The following SYTL3 variants were observed in gnomAD, a reference collection of about 807,000 sequenced individuals.
SYTL3 encodes synaptotagmin like 3.
SYTL3 carries 88 observed loss-of-function variants against 82.1 expected under a neutral mutation model. The ratio of observed to expected loss-of-function variants is 1.07; its 90% CI spans 0.90 to 1.28. The LOEUF (loss-of-function observed/expected upper bound fraction) is 1.28, where lower values mean the gene tolerates loss of function less well. SYTL3 is among the 50% of genes most tolerant of loss of function. The pLI is 0.00. For missense variants in SYTL3, 831 were observed against 757.6 expected (o/e 1.10, Z -1.14); for synonymous variants, 311 against 289.4 (o/e 1.07, Z -0.76).
rs77813998 is a variant in SYTL3 at position 158,707,751 on chromosome 6, G to A, written c.446+470G>A. On this transcript the variant is annotated intron_variant, in intron 7 of 17. Transcript: ENST00000611299. ...ATTCTAAAAACTGAGCAGTCATGAA[G>A]CTGGCCATAATTCACACACCTGATT... 1.5e-4 allele frequency among the ~76,000 whole-genome samples: 23 copies of A among 152,314 alleles called. No homozygotes were observed. In the East Asian group the frequency reaches 3.7e-3, roughly 24 times the overall value.
chr6:158,762,777 T>A (rs1268216674), intron 16 of SYTL3, among the ~76,000 whole-genome samples: 5 of 151,950 alleles, frequency 3.3e-5, no homozygotes, highest in Non-Finnish European at 7.4e-5. Flanking sequence ...ATTAGCTGGG[T>A]GTGGTGGCGG....
chr6:158,703,702 C>T lies in SYTL3; in HGVS notation c.395-3528C>T, dbSNP rs1781590998. Among the ~76,000 whole-genome samples the T allele has an allele frequency of 3.9e-5, 6 of 152,080 alleles. No individual in the cohort carries two copies. The South Asian group carries it at 1.0e-3, about 26-fold the overall frequency. On this transcript the variant is annotated intron_variant, in intron 6 of 17. Coordinates refer to ENST00000611299, the MANE Select transcript of SYTL3 (RefSeq NM_001242394.2). ...GGCTCTGTGTCTCTAGCAACCCCTGCCCTGCTGAGAGCAACAGCCCACAAC... is the reference window on the plus strand; with the variant it reads ...GGCTCTGTGTCTCTAGCAACCCCTGTCCTGCTGAGAGCAACAGCCCACAAC...
intron 2 of SYTL3, among the ~76,000 whole-genome samples, chr6:158,652,560 T>G (rs771499983): frequency 6.6e-5 from 10 of 151,960 alleles, no homozygotes; most frequent in Non-Finnish European, 1.3e-4. Context: ...TATTTATTTT[T>G]TTGAGACAGA....
chr6:158,752,000 C>T lies in SYTL3; in HGVS notation c.1107C>T (p.Thr369=), dbSNP rs373804464. Residue 369 remains threonine, a synonymous_variant, in exon 13 of 18, where the codon ACC becomes ACT. Transcript: ENST00000611299. ...GKRKTGVQRN[T]VDPTFQETLK... ...GCAAGACTGGAGTCCAAAGGAACAC[C>T]GTGGACCCGACCTTTCAGGAGACCT... 22 of 1,601,978 alleles carry T rather than the reference C, an allele frequency of 1.4e-5. No homozygotes were observed. In the Admixed American group the frequency reaches 1.4e-4, roughly 10 times the overall value.
intron 2 of SYTL3, among the ~76,000 whole-genome samples, chr6:158,655,346 A>C (rs572875010): frequency 1.3e-5 from 2 of 152,222 alleles, no homozygotes; most frequent in South Asian, 4.1e-4. Context: ...CATCGGAGTA[A>C]ATCTCCGTGT....
At chr6:158,649,456 G>A (rs2128341571), upstream of SYTL3, among the ~76,000 whole-genome samples, 1 of 152,334 alleles carries the variant, frequency 6.6e-6, no homozygotes, top group Non-Finnish European at 1.5e-5. Flanking sequence ...AGCCTACGTG[G>A]CACGTGGCAC....
rs1261224946 is a variant in SYTL3, at chr6:158,730,460, CATTT to C, written c.855+4824_855+4827del. Among the ~76,000 whole-genome samples the C allele has an allele frequency of 1.6e-4, 25 of 152,330 alleles. 1 individual carries two copies. The South Asian group carries it at 5.2e-3, about 32-fold the overall frequency. ...AACAAGCATTCTGTTTCTAAATAAA[CATTT>C]TACTTATAACAAAATGGTGGCCCGT... On this transcript the variant is annotated intron_variant, in intron 11 of 17. Transcript: ENST00000611299.
chr6:158,676,407 A>C (rs1486240235), intron 5 of SYTL3, among the ~76,000 whole-genome samples: 1 of 152,162 alleles, frequency 6.6e-6, no homozygotes. Context: ...AATTAATTCA[A>C]CATGGATTAA....
intron 11 of SYTL3, among the ~76,000 whole-genome samples, chr6:158,743,598 CTTTTTTTT>C (rs397887964): frequency 1.5e-3 from 97 of 63,088 alleles, no homozygotes; most frequent in African/African-American, 6.1e-3. Context: ...CCAGTCCAAG[CTTTTTTTT>C]TTTTTTTTTT....
chr6:158,733,289 A>G (rs1230197935), intron 11 of SYTL3, among the ~76,000 whole-genome samples: 1 of 152,002 alleles, frequency 6.6e-6, no homozygotes, highest in African/African-American at 2.4e-5. Context: ...TTCACAAGCA[A>G]CTTTCTCTTT....
At chr6:158,687,113 G>A (rs1017923580) in intron 6 of SYTL3, among the ~76,000 whole-genome samples, 3 of 152,186 alleles carry the variant, frequency 2.0e-5, no homozygotes, top group Non-Finnish European at 2.9e-5. Context: ...CTCTTTCCAC[G>A]CACTGGTTAT....
intron 8 of SYTL3, among the ~76,000 whole-genome samples, chr6:158,712,726 G>A (rs1446831349): frequency 6.6e-6 from 1 of 151,110 alleles, no homozygotes; most frequent in Non-Finnish European, 1.5e-5. Context: ...TAAGAGAGAA[G>A]AATCACATAC....
In SYTL3 at chr6:158,713,994, C is replaced by T. The variant is rs1378809798; in HGVS notation, c.595+116C>T. On this transcript the variant is annotated intron_variant, in intron 9 of 17. Coordinates refer to ENST00000611299, the MANE Select transcript of SYTL3 (RefSeq NM_001242394.2). ...CTGTCCCTCAGGCCACTCACTTTGT[C>T]TCTGGACCCTGGGGAAAGCCACAGC... 3.6e-5 allele frequency: 27 copies of T among 741,554 alleles called. 1 individual carries two copies. The South Asian group carries it at 3.8e-4, about 10-fold the overall frequency. 45.9% of individuals were successfully genotyped at this position (741,554 alleles called of 1,614,324 possible).
chr6:158,730,056 A>G (rs972749441), intron 11 of SYTL3, among the ~76,000 whole-genome samples: 1 of 152,192 alleles, frequency 6.6e-6, no homozygotes, highest in African/African-American at 2.4e-5. Context: ...TTTAACCAAG[A>G]TATTTGTGCT....
intron 11 of SYTL3, among the ~76,000 whole-genome samples, chr6:158,732,645 C>T (rs983441457): frequency 5.3e-5 from 8 of 152,232 alleles, no homozygotes; most frequent in African/African-American, 1.9e-4. Context: ...CTTCCAAGAC[C>T]AGTTTTACCT....
At chr6:158,720,352 C>T (rs1317947939) in intron 10 of SYTL3, among the ~76,000 whole-genome samples, 2 of 134,620 alleles carry the variant, frequency 1.5e-5, no homozygotes, top group Admixed American at 8.2e-5. Context: ...TGCAGTAAGC[C>T]GGGATCGTAC....
At chr6:158,760,487 A>G (rs1789760557) in intron 14 of SYTL3, among the ~76,000 whole-genome samples, 153 bp from the exon 15 acceptor site, 1 of 152,072 alleles carries the variant, frequency 6.6e-6, no homozygotes, top group East Asian at 1.9e-4. Flanking sequence ...GATGGAAGGA[A>G]GACCAGTCCT....
chr6:158,655,713 A>G (rs1437036076), intron 2 of SYTL3, among the ~76,000 whole-genome samples: 1 of 152,182 alleles, frequency 6.6e-6, no homozygotes, highest in East Asian at 1.9e-4. Flanking sequence ...ATGCATCAGC[A>G]CGTTTCGTCA....
chr6:158,646,694 G>A (rs1241612381), upstream of SYTL3, among the ~76,000 whole-genome samples: 1 of 152,186 alleles, frequency 6.6e-6, no homozygotes, highest in African/African-American at 2.4e-5. Context: ...ACCACACCTG[G>A]TCTTCCTCTC....
Sources: gnomAD v4.1 joint callset for allele counts (sites outside exome capture counted in the v4.1 genomes callset) on GRCh38, gnomAD v4.1.1 for gene constraint, MANE v1.5 for transcripts, NCBI Gene and HGNC (gene_info 2026-07-23, HGNC 2026-07-21) for gene names.